FOXP1: variants seen among roughly 807,000 people sequenced by gnomAD.
FOXP1 encodes forkhead box protein P1.
A neutral mutation model predicts 98.2 loss-of-function variants in FOXP1; 15 were observed. The ratio of observed to expected loss-of-function variants is 0.15; its 90% CI spans 0.10 to 0.24. FOXP1 has a LOEUF of 0.24. FOXP1 is among the 10% of genes least tolerant of loss of function. The pLI, the probability that FOXP1 is intolerant of heterozygous loss-of-function variation, is 1.00. For synonymous variants in FOXP1, 371 were observed against 314.5 expected (o/e 1.18, Z -1.90); for missense variants, 633 against 848.5 (o/e 0.75, Z 3.15).
At chr3:71,462,875 G>C (rs2088285772) in intron 3 of FOXP1, among the ~76,000 whole-genome samples, 1 of 152,158 alleles carries the variant, frequency 6.6e-6, no homozygotes, top group South Asian at 2.1e-4. Context: ...TAGCAGGCTG[G>C]TCACCCCAGG....
intron 1 of FOXP1, chr3:71,582,082 G>A: frequency 1.0e-6 from 1 of 982,338 alleles, no homozygotes. Flanking sequence ...CGGGAATGGG[G>A]GGCTGCAGGC....
intron 3 of FOXP1, among the ~76,000 whole-genome samples, chr3:71,363,488 G>A (rs887829631): frequency 6.6e-6 from 1 of 152,122 alleles, no homozygotes; most frequent in Non-Finnish European, 1.5e-5. Context: ...ACAACATGTG[G>A]GAAGTAGATT....
intron 3 of FOXP1, among the ~76,000 whole-genome samples, chr3:71,464,488 A>C (rs1560522404): frequency 6.6e-6 from 1 of 152,194 alleles, no homozygotes; most frequent in Non-Finnish European, 1.5e-5. Context: ...TCAGAGGCCA[A>C]GTTACTACTG....
chr3:71,377,326 C>G (rs1205611496), intron 3 of FOXP1, among the ~76,000 whole-genome samples: 2 of 152,036 alleles, frequency 1.3e-5, no homozygotes, highest in Admixed American at 1.3e-4. Context: ...AGGCATTCAG[C>G]AAAACAATAC....
chr3:71,493,801 C>A (rs980319559), intron 2 of FOXP1, among the ~76,000 whole-genome samples: 2 of 152,082 alleles, frequency 1.3e-5, no homozygotes, highest in African/African-American at 2.4e-5. Context: ...GGGCTTTGTA[C>A]CAAATATTTT....
intron 10 of FOXP1, among the ~76,000 whole-genome samples, chr3:71,045,325 A>C (rs879496188): frequency 6.6e-6 from 1 of 152,140 alleles, no homozygotes; most frequent in Non-Finnish European, 1.5e-5. Flanking sequence ...TTCACATTAC[A>C]CATGAGCTTG....
At chr3:71,087,619 T>A (rs1298160660) in intron 7 of FOXP1, among the ~76,000 whole-genome samples, 1 of 152,242 alleles carries the variant, frequency 6.6e-6, no homozygotes, top group Non-Finnish European at 1.5e-5. Context: ...CAGGATACTA[T>A]TTAAATTAAA....
chr3:71,392,173 T>C (rs1363995307), intron 3 of FOXP1, among the ~76,000 whole-genome samples: 1 of 152,236 alleles, frequency 6.6e-6, no homozygotes, highest in Non-Finnish European at 1.5e-5. Flanking sequence ...ATAATAGTCC[T>C]TTATAAAACT....
In FOXP1 at chr3:71,406,405, G is replaced by GTATATATATATATATATGTATATATATA. The variant is rs2082341024; in HGVS notation, c.-167-47162_-167-47161insTATATATATACATATATATATATATATA. Among the ~76,000 whole-genome samples, 57 of 105,940 alleles carry GTATATATATATATATATGTATATATATA rather than the reference G, an allele frequency of 5.4e-4. 6 individuals carry two copies. Among genetic ancestry groups the GTATATATATATATATATGTATATATATA allele is most frequent in the Non-Finnish European group, 1.1e-3 (50 of 44,958 alleles). The allele number at this position is 105,940 out of a possible 152,430, so 69.5% of individuals were successfully genotyped here. On this transcript the variant is annotated intron_variant, in intron 3 of 20. Transcript: ENST00000649528. ...TAATTGACACATAATAACTGTATGT[G>GTATATATATATATATATGTATATATATA]TATATATATATATATATATGGTACA... is the stretch of plus-strand genomic sequence containing the variant.
rs183278515 is a variant in FOXP1, at chr3:71,216,822, G to C, written c.-11-18430C>G. Among the ~76,000 whole-genome samples the C allele has an allele frequency of 3.9e-5, 6 of 152,230 alleles. No individual in the cohort carries two copies. In the East Asian group the frequency reaches 1.2e-3, roughly 29 times the overall value. On this transcript the variant is annotated intron_variant, in intron 5 of 20. Coordinates refer to ENST00000649528, the MANE Select transcript of FOXP1 (RefSeq NM_001349338.3). ...CTACAGCAGTCGTTCTCAACTGATGGTTAATTGTCCCTCCCCCACCAGGGG... is the reference window on the plus strand; with the variant it reads ...CTACAGCAGTCGTTCTCAACTGATGCTTAATTGTCCCTCCCCCACCAGGGG...
At chr3:71,364,728 C>T (rs1236122383) in intron 3 of FOXP1, among the ~76,000 whole-genome samples, 1 of 152,066 alleles carries the variant, frequency 6.6e-6, no homozygotes, top group East Asian at 1.9e-4. Context: ...CAGATACCTC[C>T]CTAGAGGTTT....
intron 5 of FOXP1, among the ~76,000 whole-genome samples, chr3:71,270,511 G>A (rs1228544869): frequency 6.6e-6 from 1 of 152,176 alleles, no homozygotes; most frequent in Non-Finnish European, 1.5e-5. Flanking sequence ...TCCCACAGAA[G>A]AGAGAAGGCG....
At chr3:71,410,114 T>C (rs963089586) in intron 3 of FOXP1, among the ~76,000 whole-genome samples, 2 of 152,174 alleles carry the variant, frequency 1.3e-5, no homozygotes, top group Non-Finnish European at 2.9e-5. Context: ...CTGTAAAATA[T>C]GGCCAAGAAC....
At chr3:71,126,071 A>T (rs1486704888) in intron 6 of FOXP1, among the ~76,000 whole-genome samples, 2 of 152,234 alleles carry the variant, frequency 1.3e-5, no homozygotes, top group African/African-American at 2.4e-5. Flanking sequence ...ATAGATTATG[A>T]AAGTAATAAC....
At chr3:71,247,554 G>A (rs766168969) in intron 5 of FOXP1, among the ~76,000 whole-genome samples, 2 of 152,184 alleles carry the variant, frequency 1.3e-5, no homozygotes, top group African/African-American at 4.8e-5. Flanking sequence ...GAGGGCCTGC[G>A]AGCGACTTTG....
At chr3:71,140,326 C>G (rs78590269) in intron 6 of FOXP1, among the ~76,000 whole-genome samples, 5 of 152,106 alleles carry the variant, frequency 3.3e-5, no homozygotes, top group Non-Finnish European at 7.4e-5. Context: ...AAGATTTGAT[C>G]GCATTTATGA....
intron 5 of FOXP1, among the ~76,000 whole-genome samples, chr3:71,260,784 C>T (rs1003756535): frequency 3.3e-5 from 5 of 151,854 alleles, no homozygotes; most frequent in Admixed American, 1.3e-4. Flanking sequence ...CCTTGTGATC[C>T]GCCCGCCTCA....
chr3:71,193,456 T>TG (rs1206327892), intron 6 of FOXP1, among the ~76,000 whole-genome samples: 1 of 82,822 alleles, frequency 1.2e-5, no homozygotes, highest in Admixed American at 1.3e-4. Flanking sequence ...CCGTTATTTG[T>TG]TTTTTTTTTT....
chr3:71,528,016 G>A (rs1257954030), intron 2 of FOXP1, among the ~76,000 whole-genome samples: 2 of 152,174 alleles, frequency 1.3e-5, no homozygotes, highest in Non-Finnish European at 2.9e-5. Flanking sequence ...GTGTCTACAG[G>A]ACATCAAGAT....
Sources: allele counts gnomAD v4.1 joint callset (sites outside exome capture counted in the v4.1 genomes callset), GRCh38; gene constraint gnomAD v4.1.1; transcripts MANE v1.5; gene names NCBI Gene and HGNC (gene_info 2026-07-23, HGNC 2026-07-21).